The following ZPBP variants were observed in gnomAD, a reference collection of about 807,000 sequenced individuals.
The protein encoded by ZPBP is zona pellucida-binding protein 1.
In ZPBP, 26 loss-of-function variants were observed where a neutral mutation model predicts 44.8. The observed-to-expected ratio is 0.58, with a 90% CI of 0.43 to 0.81. The LOEUF (loss-of-function observed/expected upper bound fraction) is 0.81, where lower values mean the gene tolerates loss of function less well. Ranked by LOEUF, ZPBP falls within the 30% of genes least tolerant of loss-of-function variation. The probability of loss-of-function intolerance (pLI) is 0.00; values close to 1 mark genes in which losing one functional copy is unlikely to be tolerated. For synonymous variants in ZPBP, 174 were observed against 153.2 expected (o/e 1.14, Z -1.00); for missense variants, 409 against 434.0 (o/e 0.94, Z 0.51).
chr7:49,990,618 A>AC (rs1178570430), intron 6 of ZPBP, among the ~76,000 whole-genome samples: 1 of 102,226 alleles, frequency 9.8e-6, no homozygotes, highest in Non-Finnish European at 1.9e-5. Context: ...TTAAGTATAT[A>AC]TGGGGGGGGA....
rs926760511 is a variant in ZPBP, at chr7:49,949,142, C to T, written c.962-11520G>A. On this transcript the variant is annotated intron_variant, in intron 7 of 7. Coordinates refer to ENST00000046087, the MANE Select transcript of ZPBP (RefSeq NM_007009.3). ...AAGGAAAAGCCATGTAAGGACAATA[C>T]CAGAAGGTGGCTGTCTGAAATCAAG... Among the ~76,000 whole-genome samples the T allele has an allele frequency of 3.3e-5, 5 of 152,082 alleles. No individual in the cohort carries two copies. In the South Asian group the frequency reaches 8.3e-4, roughly 25 times the overall value.
chr7:49,928,317 CTG>C (rs1291556875), intron 1 of ZPBP, among the ~76,000 whole-genome samples: 1 of 152,220 alleles, frequency 6.6e-6, no homozygotes, highest in East Asian at 1.9e-4. Flanking sequence ...TCTCACAACA[CTG>C]TCACCAAATT....
intron 7 of ZPBP, among the ~76,000 whole-genome samples, chr7:49,970,155 T>C (rs938069959): frequency 6.6e-6 from 1 of 152,152 alleles, no homozygotes; most frequent in African/African-American, 2.4e-5. Context: ...GCTACATGTC[T>C]GGCCTATGTT....
chr7:49,909,066 A>T (rs889745729), intron 1 of ZPBP, among the ~76,000 whole-genome samples: 3 of 152,214 alleles, frequency 2.0e-5, no homozygotes, highest in Admixed American at 2.0e-4. Context: ...TTTAGCCCTC[A>T]TGAGGCCCTG....
In ZPBP at chr7:50,074,733, G is replaced by A. The variant is rs543130507; in HGVS notation, c.334+7041C>T. ...AAGAGAATATGACAATTATAAATACGTATACACCCAACATGGGAGCACTCA... is the reference window on the plus strand; with the variant it reads ...AAGAGAATATGACAATTATAAATACATATACACCCAACATGGGAGCACTCA... On this transcript the variant is annotated intron_variant, in intron 3 of 7. Transcript: ENST00000046087. Among the ~76,000 whole-genome samples, 8 of 151,772 alleles carry A rather than the reference G, an allele frequency of 5.3e-5. No individual in the cohort carries two copies. The South Asian group carries it at 6.2e-4, about 12-fold the overall frequency.
chr7:49,941,160 T>C (rs1235726219), intron 7 of ZPBP, among the ~76,000 whole-genome samples: 1 of 152,132 alleles, frequency 6.6e-6, no homozygotes, highest in Non-Finnish European at 1.5e-5. Flanking sequence ...TTATTGGTCA[T>C]GATGTGGAGA....
chr7:49,893,661 A>G (rs961570294), intron 2 of ZPBP, among the ~76,000 whole-genome samples: 1 of 150,622 alleles, frequency 6.6e-6, no homozygotes, highest in Non-Finnish European at 1.5e-5. Flanking sequence ...TCCTTTTGAG[A>G]CCAGTACCCT....
At chr7:49,951,191 C>T (rs1282561879) in intron 7 of ZPBP, among the ~76,000 whole-genome samples, 2 of 151,500 alleles carry the variant, frequency 1.3e-5, no homozygotes, top group African/African-American at 4.8e-5. Context: ...ACACCAAAAG[C>T]ATAAGCAATA....
At chr7:50,015,784 CAAGCATATGAAA>C (rs559966817) in intron 6 of ZPBP, among the ~76,000 whole-genome samples, 7 of 151,878 alleles carry the variant, frequency 4.6e-5, no homozygotes, top group Non-Finnish European at 7.4e-5. Flanking sequence ...AGGGAGCCAG[CAAGCATATGAAA>C]AAGCATATGA....
chr7:50,084,559 A>G (rs1802535166), intron 2 of ZPBP, among the ~76,000 whole-genome samples: 1 of 152,002 alleles, frequency 6.6e-6, no homozygotes. Flanking sequence ...CAACACAGAC[A>G]GATGCCAAGA....
intron 6 of ZPBP, among the ~76,000 whole-genome samples, chr7:50,015,423 C>T (rs1562846540): frequency 6.6e-6 from 1 of 151,890 alleles, no homozygotes; most frequent in South Asian, 2.1e-4. Flanking sequence ...AATCAACTCA[C>T]GATGGATTAA....
chr7:49,856,885 T>G (rs1043575082), intron 2 of ZPBP, among the ~76,000 whole-genome samples: 2 of 151,762 alleles, frequency 1.3e-5, no homozygotes, highest in African/African-American at 4.8e-5. Context: ...GGCGGGCGCC[T>G]GTAGTCCCAG....
At chr7:49,928,971 TCTG>T (rs1794352011) in intron 1 of ZPBP, among the ~76,000 whole-genome samples, 1 of 152,324 alleles carries the variant, frequency 6.6e-6, no homozygotes, top group Admixed American at 6.5e-5. Flanking sequence ...AACACCTTTA[TCTG>T]CTATGACACT....
At chr7:49,847,775 CCT>C (rs1444123941), downstream of ZPBP, among the ~76,000 whole-genome samples, 3 of 152,086 alleles carry the variant, frequency 2.0e-5, no homozygotes, top group African/African-American at 7.2e-5. Context: ...AGGAACTGCC[CCT>C]GTGTCTGGAA....
the ZPBP span, among the ~76,000 whole-genome samples, chr7:49,843,972 T>C: frequency 1.3e-5 from 2 of 152,222 alleles, no homozygotes; most frequent in East Asian, 1.9e-4. Flanking sequence ...CAGGGGCCTA[T>C]GTGTAAGGGA....
At chr7:49,983,777 A>G (rs1244220655) in intron 6 of ZPBP, among the ~76,000 whole-genome samples, 1 of 152,110 alleles carries the variant, frequency 6.6e-6, no homozygotes, top group African/African-American at 2.4e-5. Context: ...TTGTATTTTG[A>G]ATAATACAGG....
At position 50,058,059 on chromosome 7, in the gene ZPBP, T is replaced by C. The variant is rs1446944321; in HGVS notation, c.417A>G (p.Thr139=). The C allele has an allele frequency of 5.6e-6, 9 of 1,613,576 alleles. No homozygotes were observed. The highest frequency in any genetic ancestry group is 7.6e-6 in the Non-Finnish European group (9 of 1,179,708). The stretch of plus-strand genomic sequence containing the variant: ...CAGTAGGTTTATATTCGAGGAAACA[T>C]GTATAAATTCCACTCATACTCTCCT... ...NFEESMSGIY[T]CFLEYKPTVE... is the part of the protein sequence containing the mutation. Residue 139 remains threonine, a synonymous_variant, in exon 4 of 8, where the codon ACA becomes ACG. Transcript: ENST00000046087.
At chr7:50,091,256 A>G (rs2128859072) in intron 1 of ZPBP, among the ~76,000 whole-genome samples, 1 of 152,166 alleles carries the variant, frequency 6.6e-6, no homozygotes, top group East Asian at 1.9e-4. Context: ...ATATATTGTG[A>G]AGGTTTTCTC....
downstream of ZPBP, among the ~76,000 whole-genome samples, chr7:49,845,477 A>G (rs537784583): frequency 2.0e-5 from 3 of 152,296 alleles, no homozygotes; most frequent in Non-Finnish European, 4.4e-5. Flanking sequence ...TTACTAGTTC[A>G]ACTGTAAAAA....
Sources: allele counts gnomAD v4.1 joint callset (sites outside exome capture counted in the v4.1 genomes callset), GRCh38; gene constraint gnomAD v4.1.1; transcripts MANE v1.5; gene names NCBI Gene and HGNC (gene_info 2026-07-23, HGNC 2026-07-21).